Variants in ESR1 observed in about 807,000 individuals in gnomAD.
ESR1 encodes estrogen receptor 1.
Under a neutral mutation model 52.7 loss-of-function variants are expected in ESR1, and 12 were observed. That is an observed-to-expected ratio of 0.23 (90% CI 0.15 to 0.37). The LOEUF (loss-of-function observed/expected upper bound fraction) is 0.37. Ranked by LOEUF, ESR1 falls within the 10% of genes least tolerant of loss-of-function variation. The pLI, the probability that ESR1 is intolerant of heterozygous loss-of-function variation, is 1.00. For synonymous variants in ESR1, 305 were observed against 316.8 expected, an observed-to-expected ratio of 0.96 and a Z score of 0.39; for missense variants, 584 against 779.7, an observed-to-expected ratio of 0.75 and a Z score of 2.99.
chr6:151,875,829 G>A (rs1314588231), intron 2 of ESR1, among the ~76,000 whole-genome samples: 1 of 152,116 alleles, frequency 6.6e-6, no homozygotes, highest in Non-Finnish European at 1.5e-5. Context: ...GGGAGAGAAG[G>A]CAAGGAAAAA....
intron 1 of ESR1, among the ~76,000 whole-genome samples, chr6:151,657,492 T>A (rs968208515): frequency 5.9e-5 from 9 of 152,332 alleles, no homozygotes; most frequent in African/African-American, 2.2e-4. Flanking sequence ...TCTTAAATTT[T>A]ATTGTTGGAT....
intron 2 of ESR1, among the ~76,000 whole-genome samples, chr6:151,875,988 C>T (rs776757619): frequency 7.9e-5 from 12 of 152,020 alleles, no homozygotes; most frequent in South Asian, 2.1e-4. Flanking sequence ...GAAGGATTGG[C>T]GGGGGAAGGC....
intron 2 of ESR1, among the ~76,000 whole-genome samples, chr6:151,791,975 T>G (rs2128132721): frequency 6.6e-6 from 1 of 152,316 alleles, no homozygotes; most frequent in South Asian, 2.1e-4. Context: ...GTTAGGAGAT[T>G]TTGTCATGGT....
intron 1 of ESR1, among the ~76,000 whole-genome samples, chr6:151,817,215 T>C (rs1779806040): frequency 6.6e-6 from 1 of 152,208 alleles, no homozygotes; most frequent in Admixed American, 6.5e-5. Context: ...GAGATCCAGG[T>C]TGTATTTCAG....
At chr6:152,020,653 G>A (rs1235608881) in intron 5 of ESR1, among the ~76,000 whole-genome samples, 1 of 151,970 alleles carries the variant, frequency 6.6e-6, no homozygotes, top group Non-Finnish European at 1.5e-5. Flanking sequence ...GTTTTGCCAC[G>A]TTGGCCAGGC....
At chr6:151,704,279 C>A (rs1780014900) in intron 2 of ESR1, among the ~76,000 whole-genome samples, 1 of 152,108 alleles carries the variant, frequency 6.6e-6, no homozygotes, top group Non-Finnish European at 1.5e-5. Context: ...CTGTCACCAC[C>A]CAGGCTGGAG....
Position 151,944,228 on chromosome 6 carries a change from T to C in ESR1, c.816T>C (p.Asp272=). ...TGTTGAAACACAAGCGCCAGAGAGA[T>C]GATGGGGAGGGCAGGGGTGAAGTGG... is the stretch of plus-strand genomic sequence containing the variant. ...GRMLKHKRQR[D]DGEGRGEVGS... Residue 272 remains aspartate (D), a synonymous_variant, in exon 4 of 8, where the codon GAT becomes GAC. Transcript: ENST00000206249. 2 of 1,613,658 alleles carry C rather than the reference T, an allele frequency of 1.2e-6. No individual in the cohort carries two copies. Among genetic ancestry groups the C allele is most frequent in the Non-Finnish European group, 1.7e-6 (2 of 1,179,942 alleles).
intron 4 of ESR1, among the ~76,000 whole-genome samples, chr6:151,953,685 C>A: frequency 6.6e-6 from 1 of 151,492 alleles, no homozygotes; most frequent in East Asian, 1.9e-4. Flanking sequence ...TGCGCCACTG[C>A]ACTCCAGCCG....
intron 4 of ESR1, among the ~76,000 whole-genome samples, chr6:151,973,531 A>G (rs1051661937): frequency 6.6e-6 from 1 of 152,176 alleles, no homozygotes; most frequent in African/African-American, 2.4e-5. Flanking sequence ...TGGAAACACA[A>G]AGCTGTCACT....
chr6:151,803,254 T>A (rs1180827430), upstream of ESR1, among the ~76,000 whole-genome samples: 6 of 152,146 alleles, frequency 3.9e-5, no homozygotes, highest in Non-Finnish European at 8.8e-5. Flanking sequence ...AAGAATTTGA[T>A]AAATGCATGA....
chr6:152,067,023 C>G (rs924978836), intron 6 of ESR1, among the ~76,000 whole-genome samples: 1 of 152,128 alleles, frequency 6.6e-6, no homozygotes, highest in Admixed American at 6.5e-5. Context: ...AAATACAAAG[C>G]CTTAGTTTTG....
chr6:151,739,980 G>T (rs188490708), intron 2 of ESR1, among the ~76,000 whole-genome samples: 3 of 152,288 alleles, frequency 2.0e-5, no homozygotes, highest in East Asian at 3.9e-4. Context: ...ACTGGACATT[G>T]TCTTGGCTTC....
In ESR1 at chr6:151,814,751, T is replaced by C. The variant is rs566249147; in HGVS notation, c.452+6387T>C. Among the ~76,000 whole-genome samples the C allele has an allele frequency of 1.2e-4, 18 of 152,362 alleles. No individual in the cohort carries two copies. The East Asian group carries it at 3.3e-3, about 28-fold the overall frequency. On this transcript the variant is annotated intron_variant, in intron 1 of 7. Coordinates refer to ENST00000206249, the MANE Select transcript of ESR1 (RefSeq NM_000125.4). ...ACCTTATTCCAAATTGAGTCATTCA[T>C]TGAGGGCTTAGACTATATAAAGTGT...
In ESR1 at chr6:151,944,245, G is replaced by A. The variant is rs756555894; in HGVS notation, c.833G>A (p.Gly278Asp). ...CAGAGAGATGATGGGGAGGGCAGGGGTGAAGTGGGGTCTGCTGGAGACATG... is the reference window on the plus strand; with the variant it reads ...CAGAGAGATGATGGGGAGGGCAGGGATGAAGTGGGGTCTGCTGGAGACATG... ...KRQRDDGEGRGEVGSAGDMRA... is the reference protein window; with the variant it reads ...KRQRDDGEGRDEVGSAGDMRA... The change falls in exon 4 of 8, where the codon GGT becomes GAT. Residue 278 changes from glycine to aspartate, a missense_variant. Coordinates refer to ENST00000206249, the MANE Select transcript of ESR1 (RefSeq NM_000125.4). The A allele has an allele frequency of 2.7e-5, 43 of 1,614,078 alleles. No homozygotes were observed. The Admixed American group carries it at 7.0e-4, about 26-fold the overall frequency.
chr6:151,755,881 T>G (rs570270119), intron 2 of ESR1, among the ~76,000 whole-genome samples: 2 of 152,244 alleles, frequency 1.3e-5, no homozygotes, highest in South Asian at 2.1e-4. Flanking sequence ...TCTGCCCGCT[T>G]CAGCCTCCCG....
intron 4 of ESR1, among the ~76,000 whole-genome samples, chr6:151,968,644 A>G (rs555712935): frequency 2.8e-4 from 42 of 152,058 alleles, no homozygotes; most frequent in Non-Finnish European, 5.1e-4. Context: ...ATGGTGGTCT[A>G]TTTGTAGGGT....
intron 6 of ESR1, among the ~76,000 whole-genome samples, chr6:152,123,665 G>A (rs143991803): frequency 6.6e-6 from 1 of 152,280 alleles, no homozygotes; most frequent in East Asian, 1.9e-4. Flanking sequence ...GGCATTTGGT[G>A]TACACTCAGA....
chr6:152,021,476 A>G (rs2043645317), intron 5 of ESR1, among the ~76,000 whole-genome samples: 1 of 152,152 alleles, frequency 6.6e-6, no homozygotes, highest in South Asian at 2.1e-4. Flanking sequence ...TTCTTTTATC[A>G]AATAGAAAGG....
intron 4 of ESR1, among the ~76,000 whole-genome samples, chr6:151,988,173 A>T (rs1466773900): frequency 6.6e-6 from 1 of 152,156 alleles, no homozygotes; most frequent in Non-Finnish European, 1.5e-5. Flanking sequence ...ATAAGGAAGT[A>T]ATTATACAAC....
Sources: gnomAD v4.1 joint callset for allele counts (sites outside exome capture counted in the v4.1 genomes callset) on GRCh38, gnomAD v4.1.1 for gene constraint, MANE v1.5 for transcripts, NCBI Gene and HGNC (gene_info 2026-07-23, HGNC 2026-07-21) for gene names.